Variants in GRHL2 observed in about 807,000 individuals in gnomAD.
The protein encoded by GRHL2 is grainyhead like transcription factor 2.
In GRHL2, 21 loss-of-function variants were observed where a neutral mutation model predicts 83.8. The observed-to-expected ratio is 0.25, with a 90% CI of 0.18 to 0.36. The LOEUF (loss-of-function observed/expected upper bound fraction) is 0.36. Ranked by LOEUF, GRHL2 falls within the 10% of genes least tolerant of loss-of-function variation. The pLI is 1.00. For missense variants in GRHL2, 623 were observed against 781.8 expected, an observed-to-expected ratio of 0.80 and a Z score of 2.42; for synonymous variants, 280 against 278.9, an observed-to-expected ratio of 1.00 and a Z score of -0.04.
intron 8 of GRHL2, among the ~76,000 whole-genome samples, chr8:101,606,342 T>C (rs567110013): frequency 6.6e-6 from 1 of 152,278 alleles, no homozygotes; most frequent in Admixed American, 6.5e-5. Flanking sequence ...TGAGGAGACA[T>C]GTTGATATTT....
downstream of GRHL2, among the ~76,000 whole-genome samples, chr8:101,672,313 T>A (rs1054646955): frequency 2.6e-5 from 4 of 151,258 alleles, no homozygotes; most frequent in Non-Finnish European, 4.4e-5. Flanking sequence ...TGAAAAAAAA[T>A]TAGACGAATG....
At position 101,499,905 on chromosome 8, in the gene GRHL2, G is replaced by A. The variant is rs140718053; in HGVS notation, c.20+7116G>A. 3.4e-3 allele frequency among the ~76,000 whole-genome samples: 515 copies of A among 152,110 alleles called. 5 individuals are homozygous for A. Among genetic ancestry groups the A allele is most frequent in the African/African-American group, 0.012 (482 of 41,476 alleles). ...AGTCTGGCCAATATGGTGAAACCCCGTCTTTAGTAATAACACAAAAATTAG... is the reference window on the plus strand; with the variant it reads ...AGTCTGGCCAATATGGTGAAACCCCATCTTTAGTAATAACACAAAAATTAG... On this transcript the variant is annotated intron_variant, in intron 1 of 15. Coordinates refer to ENST00000646743, the MANE Select transcript of GRHL2 (RefSeq NM_024915.4).
intron 4 of GRHL2, among the ~76,000 whole-genome samples, chr8:101,559,128 T>C (rs1007078837): frequency 6.6e-6 from 1 of 152,094 alleles, no homozygotes; most frequent in Non-Finnish European, 1.5e-5. Flanking sequence ...ACTTCTGCTT[T>C]GTAAAGTTTT....
intron 2 of GRHL2, among the ~76,000 whole-genome samples, chr8:101,545,130 T>C (rs1276885143): frequency 6.6e-6 from 1 of 152,192 alleles, no homozygotes; most frequent in Admixed American, 6.5e-5. Context: ...CCAGGGTATT[T>C]TAAATAAGGA....
intron 1 of GRHL2, among the ~76,000 whole-genome samples, chr8:101,516,640 C>T (rs1214471224): frequency 6.6e-6 from 1 of 152,172 alleles, no homozygotes; most frequent in Non-Finnish European, 1.5e-5. Context: ...CTCATGAGCT[C>T]AGGCAATCCT....
chr8:101,583,829 A>C (rs1338611483), intron 7 of GRHL2, among the ~76,000 whole-genome samples: 1 of 152,250 alleles, frequency 6.6e-6, no homozygotes, highest in Non-Finnish European at 1.5e-5. Flanking sequence ...ACCAACATTA[A>C]CTTCATAGAG....
chr8:101,673,465 A>G (rs1338397563), downstream of GRHL2, among the ~76,000 whole-genome samples: 1 of 149,466 alleles, frequency 6.7e-6, no homozygotes, highest in Non-Finnish European at 1.5e-5. Context: ...AGGCCATTAT[A>G]TAATGGTAAA....
At chr8:101,653,338 G>A (rs957709551) in intron 14 of GRHL2, among the ~76,000 whole-genome samples, 1 of 152,130 alleles carries the variant, frequency 6.6e-6, no homozygotes, top group Non-Finnish European at 1.5e-5. Flanking sequence ...TTAAGAAAAC[G>A]TGATTAATCA....
chr8:101,583,912 G>T (rs1322466842), intron 7 of GRHL2, among the ~76,000 whole-genome samples: 7 of 152,236 alleles, frequency 4.6e-5, no homozygotes, highest in Non-Finnish European at 1.0e-4. Context: ...AGAGAACTAA[G>T]AATTCCTTTA....
intron 2 of GRHL2, among the ~76,000 whole-genome samples, chr8:101,546,412 ATT>A (rs57173859): frequency 2.0e-4 from 29 of 141,596 alleles, no homozygotes; most frequent in Admixed American, 3.6e-4. Flanking sequence ...ATAATTAGTA[ATT>A]TTTTTTTTTT....
At chr8:101,677,203 A>AAATAATAATAAT in the GRHL2 span, among the ~76,000 whole-genome samples, 76 of 148,414 alleles carry the variant, frequency 5.1e-4, 1 homozygote, top group East Asian at 7.0e-3. Context: ...CCTAAAACTT[A>AAATAATAATAAT]AATAATAACA....
chr8:101,580,172 A>T (rs1006296907), intron 7 of GRHL2, among the ~76,000 whole-genome samples: 2 of 152,030 alleles, frequency 1.3e-5, no homozygotes, highest in Non-Finnish European at 2.9e-5. Context: ...TCTTTTTTTT[A>T]AATTGATACA....
intron 14 of GRHL2, among the ~76,000 whole-genome samples, chr8:101,662,893 G>A (rs1166679266): frequency 1.4e-5 from 2 of 146,268 alleles, no homozygotes; most frequent in African/African-American, 2.7e-5. Context: ...AAAAATACAA[G>A]TGGGATCACA....
At chr8:101,503,473 T>G (rs1446927366) in intron 1 of GRHL2, among the ~76,000 whole-genome samples, 1 of 152,192 alleles carries the variant, frequency 6.6e-6, no homozygotes, top group East Asian at 1.9e-4. Flanking sequence ...TGGCTAAAAT[T>G]AACAAAACCG....
Position 101,624,997 on chromosome 8 carries a change from C to T in GRHL2, c.1257+5300C>T, listed in dbSNP as rs976267685. Among the ~76,000 whole-genome samples, 4 of 151,972 alleles carry T rather than the reference C, an allele frequency of 2.6e-5. No homozygotes were observed. The South Asian group carries it at 8.3e-4, about 32-fold the overall frequency. Reference sequence around the variant, plus strand: ...GGTAGGCTTTAGAAACAAAACCGAACCAAAAAAATCAGCTTATGTCTTTAA... The same window carrying T: ...GGTAGGCTTTAGAAACAAAACCGAATCAAAAAAATCAGCTTATGTCTTTAA... On this transcript the variant is annotated intron_variant, in intron 9 of 15. Coordinates refer to ENST00000646743, the MANE Select transcript of GRHL2 (RefSeq NM_024915.4).
At chr8:101,652,290 T>A (rs977364054) in intron 14 of GRHL2, among the ~76,000 whole-genome samples, 7 of 151,412 alleles carry the variant, frequency 4.6e-5, no homozygotes, top group Admixed American at 3.3e-4. Flanking sequence ...TATATTGGTA[T>A]ATACAAATGT....
chr8:101,632,395 C>T (rs774837114), intron 11 of GRHL2, 30 bp downstream of exon 11: 1 of 1,613,516 alleles, frequency 6.2e-7, no homozygotes. Context: ...GCCCACCTCC[C>T]ATCCATCCAC....
At chr8:101,496,360 T>A (rs986494896) in intron 1 of GRHL2, among the ~76,000 whole-genome samples, 3 of 152,188 alleles carry the variant, frequency 2.0e-5, no homozygotes, top group Non-Finnish European at 4.4e-5. Context: ...GTCTTTAGTT[T>A]TATAAATGCA....
chr8:101,509,909 G>A (rs755479853), intron 1 of GRHL2, among the ~76,000 whole-genome samples: 14 of 152,034 alleles, frequency 9.2e-5, no homozygotes, highest in Non-Finnish European at 1.8e-4. Context: ...ACAAATAATG[G>A]TTCTCCTCCA....
Sources: gnomAD v4.1 joint callset for allele counts (sites outside exome capture counted in the v4.1 genomes callset) on GRCh38, gnomAD v4.1.1 for gene constraint, MANE v1.5 for transcripts, NCBI Gene and HGNC (gene_info 2026-07-23, HGNC 2026-07-21) for gene names.